CCDC73: variants seen among roughly 807,000 people sequenced by gnomAD.
CCDC73 encodes the protein coiled-coil domain containing 73, also known as coiled-coil domain-containing protein 73.
CCDC73 carries 95 observed loss-of-function variants against 116.5 expected under a neutral mutation model. That is an observed-to-expected ratio of 0.82 (90% CI 0.69 to 0.97). The LOEUF (loss-of-function observed/expected upper bound fraction) is 0.97, where lower values mean the gene tolerates loss of function less well. Among genes scored for constraint, CCDC73 ranks in the 50% least tolerant of loss-of-function variants. CCDC73 has a pLI of 0.00. For missense variants in CCDC73, 1,066 were observed against 1,206.8 expected (o/e 0.88, Z 1.73); for synonymous variants, 398 against 401.3 (o/e 0.99, Z 0.10).
chr11:32,739,022 TG>T (rs1472090424), intron 2 of CCDC73, among the ~76,000 whole-genome samples: 3 of 152,178 alleles, frequency 2.0e-5, no homozygotes, highest in African/African-American at 7.2e-5. Context: ...ACTTTGTTTC[TG>T]GGTTCTCTAT....
At chr11:32,685,904 T>C (rs112420080) in intron 6 of CCDC73, among the ~76,000 whole-genome samples, 3 of 151,826 alleles carry the variant, frequency 2.0e-5, no homozygotes, top group African/African-American at 7.2e-5. Context: ...ATATTTTTAG[T>C]AGAGACAGGG....
At chr11:32,619,910 A>G (rs1855508843) in intron 14 of CCDC73, among the ~76,000 whole-genome samples, 1 of 151,452 alleles carries the variant, frequency 6.6e-6, no homozygotes, top group Non-Finnish European at 1.5e-5. Flanking sequence ...GAAGGGGAGG[A>G]GAAGAAATAC....
At chr11:32,621,263 C>A (rs1374474407) in intron 14 of CCDC73, among the ~76,000 whole-genome samples, 1 of 152,194 alleles carries the variant, frequency 6.6e-6, no homozygotes, top group Non-Finnish European at 1.5e-5. Flanking sequence ...TGCTACCTGA[C>A]TTCAAACTAT....
At chr11:32,617,482 G>C (rs1454063300) in intron 14 of CCDC73, among the ~76,000 whole-genome samples, 2 of 152,138 alleles carry the variant, frequency 1.3e-5, no homozygotes, top group African/African-American at 4.8e-5. Context: ...CCACTGATAA[G>C]TTGCACCTAG....
intron 1 of CCDC73, among the ~76,000 whole-genome samples, chr11:32,781,208 TAAA>T (rs1432631624): frequency 1.3e-5 from 2 of 152,192 alleles, no homozygotes; most frequent in Non-Finnish European, 2.9e-5. Context: ...TCAATAATAA[TAAA>T]AACAGGACTC....
chr11:32,710,894 T>C (rs940016662), intron 3 of CCDC73, among the ~76,000 whole-genome samples: 1 of 152,126 alleles, frequency 6.6e-6, no homozygotes, highest in Non-Finnish European at 1.5e-5. Context: ...ACTAAAAAGA[T>C]TCTGCACAGC....
At chr11:32,707,666 T>C (rs1392257602) in intron 3 of CCDC73, among the ~76,000 whole-genome samples, 1 of 151,904 alleles carries the variant, frequency 6.6e-6, no homozygotes, top group Admixed American at 6.6e-5. Context: ...TCGTGAAAAT[T>C]CCAAAAAAAG....
At chr11:32,641,677 G>C (rs1855733862) in intron 13 of CCDC73, among the ~76,000 whole-genome samples, 1 of 149,146 alleles carries the variant, frequency 6.7e-6, no homozygotes, top group South Asian at 2.1e-4. Flanking sequence ...ATTTTTCTTT[G>C]TCACATGGGG....
intron 2 of CCDC73, among the ~76,000 whole-genome samples, chr11:32,750,124 C>G (rs1448702755): frequency 1.3e-5 from 2 of 152,222 alleles, no homozygotes; most frequent in Admixed American, 6.5e-5. Context: ...CCTGCCTCAG[C>G]CTCCCAAAAT....
At chr11:32,802,451 T>C in the CCDC73 span, among the ~76,000 whole-genome samples, 6 of 152,248 alleles carry the variant, frequency 3.9e-5, no homozygotes, top group Non-Finnish European at 8.8e-5. Context: ...TAATATGACA[T>C]GACACCATTT....
chr11:32,608,031 C>A (rs1855378272), intron 17 of CCDC73, among the ~76,000 whole-genome samples: 1 of 138,902 alleles, frequency 7.2e-6, no homozygotes, highest in East Asian at 2.0e-4. Context: ...CGGCCCCCCC[C>A]ACGATTCTAT....
intron 7 of CCDC73, chr11:32,680,439 C>G (rs1049255511): frequency 1.3e-5 from 2 of 152,074 alleles, no homozygotes; most frequent in African/African-American, 4.8e-5. Flanking sequence ...AAAATGTCAG[C>G]ATTCATTGCT....
At chr11:32,698,011 A>AT (rs869153507) in intron 6 of CCDC73, among the ~76,000 whole-genome samples, 1,018 of 18,872 alleles carry the variant, frequency 0.054, 55 homozygotes, top group African/African-American at 0.074. Flanking sequence ...CTAACACTGA[A>AT]TTTTTTTTTT....
chr11:32,683,270 A>G, intron 7 of CCDC73: 1 of 397,624 alleles, frequency 2.5e-6, no homozygotes, highest in Non-Finnish European at 4.6e-6. Flanking sequence ...AAAGTTTCCA[A>G]TTTTGAAGCA....
At chr11:32,646,491 C>A (rs1209704215) in intron 12 of CCDC73, among the ~76,000 whole-genome samples, 1 of 152,242 alleles carries the variant, frequency 6.6e-6, no homozygotes, top group Non-Finnish European at 1.5e-5. Context: ...AAATACAATA[C>A]AACTCTGCTT....
intron 1 of CCDC73, among the ~76,000 whole-genome samples, chr11:32,768,067 C>A (rs1008566881): frequency 2.0e-5 from 3 of 152,168 alleles, no homozygotes; most frequent in Non-Finnish European, 2.9e-5. Flanking sequence ...GACTTGGAAC[C>A]AACCCAGATG....
At chr11:32,777,654 T>C (rs1480005011) in intron 1 of CCDC73, among the ~76,000 whole-genome samples, 2 of 152,138 alleles carry the variant, frequency 1.3e-5, no homozygotes, top group African/African-American at 4.8e-5. Flanking sequence ...TGAGACTTTT[T>C]AGAAGTTATT....
Position 32,602,979 on chromosome 11 carries a change from A to G in CCDC73, c.3072T>C (p.His1024=), listed in dbSNP as rs374968214. The change falls in exon 18 of 18, where the codon CAT becomes CAC. Residue 1024 remains histidine, a synonymous_variant. Coordinates refer to ENST00000335185, the MANE Select transcript of CCDC73 (RefSeq NM_001008391.4). The part of the protein sequence containing the change: ...KPLISTPLQS[H]LQAIKTTKNT... Reference sequence around the variant, plus strand: ...TTTTAGTCGTCTTGATTGCCTGCAAATGGCTTTGTAGTGGAGTTGATATCA... The same window carrying G: ...TTTTAGTCGTCTTGATTGCCTGCAAGTGGCTTTGTAGTGGAGTTGATATCA... 1.1e-5 allele frequency: 18 copies of G among 1,613,168 alleles called. No individual in the cohort carries two copies. Among genetic ancestry groups the G allele is most frequent in the East Asian group, 4.5e-5 (2 of 44,844 alleles).
At chr11:32,675,720 G>A (rs1393806870) in intron 8 of CCDC73, 76 bp from the exon 9 acceptor site, 76 of 1,290,932 alleles carry the variant, frequency 5.9e-5, no homozygotes, top group Non-Finnish European at 7.8e-5. Flanking sequence ...AGATAAACAG[G>A]GAAAACAGTA....
Sources: gnomAD v4.1 joint callset for allele counts (sites outside exome capture counted in the v4.1 genomes callset) on GRCh38, gnomAD v4.1.1 for gene constraint, MANE v1.5 for transcripts, NCBI Gene and HGNC (gene_info 2026-07-23, HGNC 2026-07-21) for gene names.